Variants in PTPRS observed in about 807,000 individuals in gnomAD.
PTPRS encodes the protein protein tyrosine phosphatase receptor type S.
A neutral mutation model predicts 215.3 loss-of-function variants in PTPRS; 63 were observed. That is an observed-to-expected ratio of 0.29 (90% CI 0.24 to 0.36). The LOEUF (loss-of-function observed/expected upper bound fraction) is 0.36, where lower values mean the gene tolerates loss of function less well. Ranked by LOEUF, PTPRS falls within the 10% of genes least tolerant of loss-of-function variation. The probability of loss-of-function intolerance (pLI) is 1.00; values close to 1 mark genes in which losing one functional copy is unlikely to be tolerated. For missense variants in PTPRS, 2,258 were observed against 2,825.8 expected, an observed-to-expected ratio of 0.80 and a Z score of 4.56; for synonymous variants, 1,404 against 1,191.4, an observed-to-expected ratio of 1.18 and a Z score of -3.68.
chr19:5,296,986 C>G lies in PTPRS; in HGVS notation c.-94-10752G>C, dbSNP rs936820620. On this transcript the variant is annotated intron_variant, in intron 1 of 37. Transcript: ENST00000262963. Reference sequence around the variant, plus strand: ...ACCCAATAGAATTTTCTAAACGGCTCATTTGGGGATGTACAGAAAAGAGGG... The same window carrying G: ...ACCCAATAGAATTTTCTAAACGGCTGATTTGGGGATGTACAGAAAAGAGGG... Among the ~76,000 whole-genome samples, 10 of 152,192 alleles carry G rather than the reference C, an allele frequency of 6.6e-5. 2 individuals are homozygous for G. The highest frequency in any genetic ancestry group is 6.5e-5 in the Admixed American group (1 of 15,282).
intron 4 of PTPRS, among the ~76,000 whole-genome samples, chr19:5,268,966 G>A (rs1394451802): frequency 6.6e-6 from 1 of 152,194 alleles, no homozygotes; most frequent in Non-Finnish European, 1.5e-5. Context: ...CCTGGGCCAG[G>A]GACCTGGACG....
intron 11 of PTPRS, among the ~76,000 whole-genome samples, chr19:5,242,741 G>C (rs147972817): frequency 0.017 from 2,654 of 152,256 alleles, 67 homozygotes; most frequent in African/African-American, 0.06. Context: ...TTGTTGCCCA[G>C]GCTGGAGTGT....
At chr19:5,335,986 G>C (rs1190965017) in intron 1 of PTPRS, among the ~76,000 whole-genome samples, 1 of 151,448 alleles carries the variant, frequency 6.6e-6, no homozygotes, top group Non-Finnish European at 1.5e-5. Flanking sequence ...GATGTTGGGG[G>C]ACCGGCAGCT....
intron 1 of PTPRS, among the ~76,000 whole-genome samples, chr19:5,320,121 G>A (rs575552534): frequency 1.3e-5 from 2 of 152,280 alleles, no homozygotes; most frequent in South Asian, 2.1e-4. Context: ...GGCTGACGGC[G>A]GAAGCCTCCA....
intron 1 of PTPRS, among the ~76,000 whole-genome samples, chr19:5,313,824 C>T (rs1464426438): frequency 6.6e-6 from 1 of 152,056 alleles, no homozygotes; most frequent in Non-Finnish European, 1.5e-5. Flanking sequence ...GCTGGGCACG[C>T]AGTGGCTCAC....
rs1284267891 is a variant in PTPRS, at chr19:5,293,222, CCCGGAG to C, written c.-94-6994_-94-6989del. ...GCCGCTCCCCGCGTCCCTCGGTCCG[CCCGGAG>C]CGCGGCGCGCAGCGAAGACTCGGGA... On this transcript the variant is annotated intron_variant, in intron 1 of 37. Coordinates refer to ENST00000262963, the MANE Select transcript of PTPRS (RefSeq NM_002850.4). This position sits in a 1 kb window ranked among gnomAD's most constrained non-coding sequence, Gnocchi z 8.4. 1 of 151,610 alleles carries C rather than the reference CCCGGAG, an allele frequency of 6.6e-6. No individual in the cohort carries two copies. Among genetic ancestry groups the C allele is most frequent in the African/African-American group, 2.4e-5 (1 of 41,324 alleles). The allele number at this position is 151,610 out of a possible 1,614,324, so 9.4% of individuals were successfully genotyped here.
chr19:5,223,449 G>A, intron 17 of PTPRS, 152 bp from the exon 18 acceptor site: 1 of 1,014,046 alleles, frequency 9.9e-7, no homozygotes. Context: ...GGAGTGCAAT[G>A]GTGAGATCAC....
chr19:5,220,840 G>A (rs1381159604), intron 20 of PTPRS, among the ~76,000 whole-genome samples, 160 bp downstream of exon 20: 3 of 152,166 alleles, frequency 2.0e-5, no homozygotes, highest in Non-Finnish European at 4.4e-5. Flanking sequence ...AATGACCCAT[G>A]AGAAGCATTG....
In PTPRS at chr19:5,211,998, G is replaced by A. The variant is rs114894615; in HGVS notation, c.5022C>T (p.Gly1674=). 64 of 1,611,618 alleles carry A rather than the reference G, an allele frequency of 4.0e-5. 1 individual carries two copies. The highest frequency in any genetic ancestry group is 3.4e-4 in the Middle Eastern group (2 of 5,946). The part of the protein sequence containing the change: ...YIQKLAQVEP[G]EHVTGMELEF... ...CGAGTTCCATGCCAGTGACGTGTTC[G>A]CCAGGCTCCACCTGGGCCAGCTTCT... Residue 1674 remains glycine (G), a synonymous_variant, in exon 32 of 38, where the codon GGC becomes GGT. Transcript: ENST00000262963.
In PTPRS at chr19:5,244,033, C is replaced by A. The variant is rs372290737; in HGVS notation, c.1438G>T (p.Val480Leu). 4 of 1,609,504 alleles carry A rather than the reference C, an allele frequency of 2.5e-6. No individual in the cohort carries two copies. Among genetic ancestry groups the A allele is most frequent in the African/African-American group, 1.3e-5 (1 of 75,048 alleles). ...ACGGTGGTCAGCAGGCTGTCGTCCA[C>A]GTTGTGCTTCTGCCAGTTGCCCACG... ...HPVGNWQKHNVDDSLLTTVGS... is the reference protein window; with the variant it reads ...HPVGNWQKHNLDDSLLTTVGS... Residue 480 changes from valine (V) to leucine (L), a missense_variant, in exon 11 of 38, where the codon GTG (valine) becomes TTG (leucine). Coordinates refer to ENST00000262963, the MANE Select transcript of PTPRS (RefSeq NM_002850.4). The surrounding 1 kb of genome is among the most constrained non-coding windows in gnomAD (Gnocchi z 7.2).
At chr19:5,246,145 C>T in intron 9 of PTPRS, 100 bp from the exon 10 acceptor site, 1 of 592,754 alleles carries the variant, frequency 1.7e-6, no homozygotes, top group Non-Finnish European at 2.5e-6. Flanking sequence ...AAAAGAAAAG[C>T]AGGAAGGAAG....
At chr19:5,281,122 C>A (rs1599920998) in intron 2 of PTPRS, among the ~76,000 whole-genome samples, 1 of 152,072 alleles carries the variant, frequency 6.6e-6, no homozygotes, top group African/African-American at 2.4e-5. Flanking sequence ...TCTGTTGCAG[C>A]AACAGCCAAT....
At chr19:5,335,489 G>C (rs992170559) in intron 1 of PTPRS, among the ~76,000 whole-genome samples, 1 of 152,158 alleles carries the variant, frequency 6.6e-6, no homozygotes, top group African/African-American at 2.4e-5. Context: ...AAAGGGAAGA[G>C]GGGAAGTCAT....
At position 5,229,321 on chromosome 19, in the gene PTPRS, C is replaced by T. The variant is rs1417612381; in HGVS notation, c.2371G>A (p.Glu791Lys). ...DAQWETDDTA[E>K]YEMVITNLQP... Reference sequence around the variant, plus strand: ...TGGCCAGGGGCGCTACTTACATATTCGGCCGTGTCATCCGTCTCCCACTGA... The same window carrying T: ...TGGCCAGGGGCGCTACTTACATATTTGGCCGTGTCATCCGTCTCCCACTGA... The change falls in exon 16 of 38, where the codon GAA becomes AAA. Residue 791 changes from glutamate (E) to lysine (K), a missense_variant. Around this residue, in one of 6 missense-constraint regions of PTPRS, gnomAD observed 371 missense variants for 446.7 expected, o/e 0.83. Transcript: ENST00000262963. 1.4e-6 allele frequency: 2 copies of T among 1,379,802 alleles called. No homozygotes were observed. The highest frequency in any genetic ancestry group is 2.8e-5 in the East Asian group (1 of 35,860). The allele number at this position is 1,379,802 out of a possible 1,614,324, so 85.5% of individuals were successfully genotyped here.
intron 16 of PTPRS, among the ~76,000 whole-genome samples, chr19:5,228,987 G>C (rs562283862): frequency 1.3e-5 from 2 of 152,214 alleles, no homozygotes; most frequent in South Asian, 2.1e-4. Context: ...AAATGACTAC[G>C]GGCAGGAGAA....
chr19:5,290,093 GAGA>G (rs1392080310), intron 1 of PTPRS, among the ~76,000 whole-genome samples: 1 of 152,260 alleles, frequency 6.6e-6, no homozygotes, highest in Non-Finnish European at 1.5e-5. Context: ...CAGGGCTAGG[GAGA>G]AGGAGAGGGA....
rs894269275 is a variant in PTPRS at position 5,225,634 on chromosome 19, T to C, written c.2494+93A>G. On this transcript the variant is annotated intron_variant, in intron 17 of 37. Transcript: ENST00000262963. ...CCAGCTGCCTGGTGCACCCTCTGCC[T>C]GCCCTTGTGAGCTCAAGGACTCTGG... 4 of 1,106,130 alleles carry C rather than the reference T, an allele frequency of 3.6e-6. No individual in the cohort carries two copies. In the South Asian group the frequency reaches 3.9e-5, roughly 11 times the overall value. The allele number at this position is 1,106,130 out of a possible 1,614,324, so 68.5% of individuals were successfully genotyped here. A position where few individuals can be genotyped will look rare whatever the true frequency, so the allele number is the denominator to read the frequency against.
In PTPRS at chr19:5,256,239, T is replaced by TG. The variant is rs1334414452; in HGVS notation, c.707-121dup. 4 of 702,078 alleles carry TG rather than the reference T, an allele frequency of 5.7e-6. No individual in the cohort carries two copies. The East Asian group carries it at 1.1e-4, about 19-fold the overall frequency. 43.5% of individuals were successfully genotyped at this position (702,078 alleles called of 1,614,324 possible). ...AAGGCTAAAAGCTGCAATAGTTTGT[T>TG]GTTTTTTTTTTCTTTAAACCAAAAA... is the stretch of plus-strand genomic sequence containing the variant. On this transcript the variant is annotated intron_variant, in intron 8 of 37. Transcript: ENST00000262963.
At position 5,222,752 on chromosome 19, in the gene PTPRS, T is replaced by C. The variant is rs1428131078; in HGVS notation, c.3040A>G (p.Thr1014Ala). 6.3e-7 allele frequency: 1 copy of C among 1,598,402 alleles called. No homozygotes were observed. The highest frequency in any genetic ancestry group is 8.5e-7 in the Non-Finnish European group (1 of 1,178,286). Residue 1014 changes from threonine to alanine, a missense_variant, in exon 18 of 38, where the codon ACG becomes GCG. Physicochemically the swap from Thr to Ala is moderately conservative, Grantham distance 58. Coordinates refer to ENST00000262963, the MANE Select transcript of PTPRS (RefSeq NM_002850.4). ...TAYDLQVRAHTRRGPGPFSPP... is the reference protein window; with the variant it reads ...TAYDLQVRAHARRGPGPFSPP... ...CTGAAGGGGCCAGGGCCCCGGCGCG[T>C]GTGGGCTCGCACTTGGAGGTCATAG...
Sources: gnomAD v4.1 joint callset for allele counts (sites outside exome capture counted in the v4.1 genomes callset) on GRCh38, gnomAD v4.1.1 for gene constraint, gnomAD v4.1.1 regional missense constraint, Gnocchi (gnomAD v3.1) non-coding constraint, MANE v1.5 for transcripts, NCBI Gene and HGNC (gene_info 2026-07-23, HGNC 2026-07-21) for gene names.